NDUFAF1: variants seen among roughly 807,000 people sequenced by gnomAD.
NDUFAF1 encodes the protein NADH:ubiquinone oxidoreductase complex assembly factor 1.
NDUFAF1 carries 18 observed loss-of-function variants against 28.7 expected under a neutral mutation model. The ratio of observed to expected loss-of-function variants is 0.63; its 90% CI spans 0.43 to 0.93. NDUFAF1 has a LOEUF of 0.93. Among genes scored for constraint, NDUFAF1 ranks in the 40% least tolerant of loss-of-function variants. NDUFAF1 has a pLI of 0.00. For synonymous variants in NDUFAF1, 113 were observed against 139.7 expected, an observed-to-expected ratio of 0.81 and a Z score of 1.35; for missense variants, 404 against 398.3, an observed-to-expected ratio of 1.01 and a Z score of -0.12.
At chr15:41,389,058 C>A (rs760944396) in intron 3 of NDUFAF1, among the ~76,000 whole-genome samples, 1 of 151,912 alleles carries the variant, frequency 6.6e-6, no homozygotes, top group African/African-American at 2.4e-5. Flanking sequence ...TAAGCACGAT[C>A]TTTTAAAACT....
At chr15:41,389,186 G>C (rs562051710) in intron 3 of NDUFAF1, among the ~76,000 whole-genome samples, 1 of 151,294 alleles carries the variant, frequency 6.6e-6, no homozygotes, top group Non-Finnish European at 1.5e-5. Context: ...AGGTTCAAGC[G>C]ATTCTCCCAC....
In NDUFAF1 at chr15:41,397,139, A is replaced by G; in HGVS notation, c.-80T>C. On this transcript the variant is annotated splice_region_variant and 5_prime_UTR_variant, in exon 2 of 5. Transcript: ENST00000260361. ...AAGCTTCAGCAAATAGCCCAATTCT[A>G]CCTATAACAGAAGAGACATTGAAGA... 3 of 1,125,372 alleles carry G rather than the reference A, an allele frequency of 2.7e-6. No homozygotes were observed. Among genetic ancestry groups the G allele is most frequent in the South Asian group, 1.3e-5 (1 of 76,646 alleles). The allele number at this position is 1,125,372 out of a possible 1,614,324, so 69.7% of individuals were successfully genotyped here.
At chr15:41,387,895 C>T (rs1303627524) in intron 4 of NDUFAF1, among the ~76,000 whole-genome samples, 2 of 152,136 alleles carry the variant, frequency 1.3e-5, no homozygotes, top group South Asian at 4.1e-4. Context: ...GGGCAGATCA[C>T]AAGGTCCAGT....
chr15:41,397,122 G>C lies in NDUFAF1; in HGVS notation c.-63C>G, dbSNP rs908752093. The C allele has an allele frequency of 2.2e-6, 3 of 1,373,156 alleles. No homozygotes were observed. The African/African-American group carries it at 4.3e-5, about 20-fold the overall frequency. 85.1% of individuals were successfully genotyped at this position (1,373,156 alleles called of 1,614,324 possible). A position where few individuals can be genotyped will look rare whatever the true frequency, so the allele number is the denominator to read the frequency against. On this transcript the variant is annotated 5_prime_UTR_variant, in exon 2 of 5. Coordinates refer to ENST00000260361, the MANE Select transcript of NDUFAF1 (RefSeq NM_016013.4). The stretch of plus-strand genomic sequence containing the variant: ...TAGCAAGGGCCACCAAGAAGCTTCA[G>C]CAAATAGCCCAATTCTACCTATAAC...
chr15:41,396,670 T>C lies in NDUFAF1; in HGVS notation c.390A>G (p.Lys130=), dbSNP rs1407899352. ...TCACTGTCCACTTATCCAAATCTTC[T>C]TTCCCCCGGAATTGCCAGACAACCT... ...QAKVVWQFRG[K]EDLDKWTVTS... Residue 130 remains lysine, a synonymous_variant, in exon 2 of 5, where the codon AAA becomes AAG. Coordinates refer to ENST00000260361, the MANE Select transcript of NDUFAF1 (RefSeq NM_016013.4). 8.7e-6 allele frequency: 14 copies of C among 1,614,068 alleles called. No individual in the cohort carries two copies. The highest frequency in any genetic ancestry group is 1.2e-5 in the Non-Finnish European group (14 of 1,180,052).
At chr15:41,395,489 C>A (rs1411301051) in intron 2 of NDUFAF1, among the ~76,000 whole-genome samples, 2 of 151,158 alleles carry the variant, frequency 1.3e-5, no homozygotes, top group Middle Eastern at 3.4e-3. Flanking sequence ...CCTGCCTCAG[C>A]CTCCCGAATA....
Position 41,394,912 on chromosome 15 carries a change from T to G in NDUFAF1, c.706A>C (p.Met236Leu). 6.2e-7 allele frequency: 1 copy of G among 1,614,140 alleles called. No individual in the cohort carries two copies. The highest frequency in any genetic ancestry group is 8.5e-7 in the Non-Finnish European group (1 of 1,180,026). Residue 236 changes from methionine to leucine, a missense_variant, in exon 3 of 5, where the codon ATG becomes CTG. Coordinates refer to ENST00000260361, the MANE Select transcript of NDUFAF1 (RefSeq NM_016013.4). The stretch of plus-strand genomic sequence containing the variant: ...CGGGTGAACATGAAGTAACTATACA[T>G]CTGATTCGTCCTCTGGAAGAAATCT... ...DTDFFQRTNQ[M>L]YSYFMFTRGG... is the part of the protein sequence containing the mutation.
At chr15:41,388,756 C>CTT (rs933548216) in intron 3 of NDUFAF1, among the ~76,000 whole-genome samples, 79 of 141,490 alleles carry the variant, frequency 5.6e-4, no homozygotes, top group African/African-American at 1.8e-3. Flanking sequence ...CTAAACACAG[C>CTT]TTTTTTTTTT....
chr15:41,396,941 T>C lies in NDUFAF1; in HGVS notation c.119A>G (p.Gln40Arg). 1 of 1,613,678 alleles carries C rather than the reference T, an allele frequency of 6.2e-7. No individual in the cohort carries two copies. The highest frequency in any genetic ancestry group is 8.5e-7 in the Non-Finnish European group (1 of 1,179,870). The change falls in exon 2 of 5, where the codon CAG becomes CGG. Residue 40 changes from glutamine (Q) to arginine (R), a missense_variant. Transcript: ENST00000260361. ...TTTGCCAGGAGAAGCCACTGGTTTC[T>C]GAAGACTACTGGAATACTCTGCAAA... ...IRFAEYSSSL[Q>R]KPVASPGKAS...
chr15:41,396,761 T>G lies in NDUFAF1; in HGVS notation c.299A>C (p.Glu100Ala). ...CGGTCCTCTCCAATGATCCACAATT[T>G]CATCCTTCAAAAGCCTAAAATGGTA... ...AIYHFRLLKD[E>A]IVDHWRGPEG... Residue 100 changes from glutamate to alanine, a missense_variant, in exon 2 of 5, where the codon GAA becomes GCA. Coordinates refer to ENST00000260361, the MANE Select transcript of NDUFAF1 (RefSeq NM_016013.4). 1 of 1,614,126 alleles carries G rather than the reference T, an allele frequency of 6.2e-7. No homozygotes were observed. The highest frequency in any genetic ancestry group is 8.5e-7 in the Non-Finnish European group (1 of 1,180,034).
intron 1 of NDUFAF1, among the ~76,000 whole-genome samples, chr15:41,398,174 T>C (rs563769854): frequency 3.6e-4 from 52 of 145,994 alleles, no homozygotes; most frequent in African/African-American, 1.3e-3. Context: ...TCCCCGGCCT[T>C]TTTTTTTTCT....
At chr15:41,401,301 C>A (rs1404614379) in intron 1 of NDUFAF1, among the ~76,000 whole-genome samples, 1 of 127,180 alleles carries the variant, frequency 7.9e-6, no homozygotes, top group African/African-American at 3.0e-5. Flanking sequence ...GATGGAGTCT[C>A]GCTCTGTCAC....
chr15:41,400,688 A>ATTTTTTTT (rs58010983), intron 1 of NDUFAF1, among the ~76,000 whole-genome samples: 17 of 97,818 alleles, frequency 1.7e-4, no homozygotes, highest in East Asian at 6.2e-4. Context: ...ATGCCCAGCT[A>ATTTTTTTT]TTTTTTTTTT....
chr15:41,392,709 A>G (rs1347280693), intron 3 of NDUFAF1, among the ~76,000 whole-genome samples: 1 of 152,146 alleles, frequency 6.6e-6, no homozygotes, highest in African/African-American at 2.4e-5. Context: ...CTGTGAGTCA[A>G]TTAAACCTCT....
At chr15:41,397,950 GGGA>G (rs976235962) in intron 1 of NDUFAF1, among the ~76,000 whole-genome samples, 5 of 150,948 alleles carry the variant, frequency 3.3e-5, no homozygotes, top group African/African-American at 4.9e-5. Flanking sequence ...CCTTGAACCT[GGGA>G]GGAGGAGGCT....
chr15:41,394,898 G>T lies in NDUFAF1; in HGVS notation c.720C>A (p.Phe240Leu), dbSNP rs1277863271. 1 of 1,614,078 alleles carries T rather than the reference G, an allele frequency of 6.2e-7. No homozygotes were observed. The highest frequency in any genetic ancestry group is 1.1e-5 in the South Asian group (1 of 91,084). The change falls in exon 3 of 5, where the codon TTC becomes TTA. Residue 240 changes from phenylalanine (F) to leucine (L), a missense_variant. Transcript: ENST00000260361. ...AGTAGGGTCCCCCGCGGGTGAACAT[G>T]AAGTAACTATACATCTGATTCGTCC... Reference protein sequence around the residue: ...FQRTNQMYSYFMFTRGGPYWQ... With the variant: ...FQRTNQMYSYLMFTRGGPYWQ...
Position 41,387,629 on chromosome 15 carries a change from T to A in NDUFAF1, c.835-36A>T, listed in dbSNP as rs532408620. On this transcript the variant is annotated intron_variant, in intron 4 of 4. Coordinates refer to ENST00000260361, the MANE Select transcript of NDUFAF1 (RefSeq NM_016013.4). ...AATACAGAAATTGATTAAAATCTCATACAGTGACGTACTGAGATTATTCCA... is the reference window on the plus strand; with the variant it reads ...AATACAGAAATTGATTAAAATCTCAAACAGTGACGTACTGAGATTATTCCA... The A allele has an allele frequency of 2.0e-6, 3 of 1,512,364 alleles. No homozygotes were observed. The African/African-American group carries it at 4.1e-5, about 21-fold the overall frequency. The allele number at this position is 1,512,364 out of a possible 1,614,324, so 93.7% of individuals were successfully genotyped here.
At position 41,394,854 on chromosome 15, in the gene NDUFAF1, G is replaced by A. The variant is rs756325930; in HGVS notation, c.759+5C>T. On this transcript the variant is annotated splice_donor_5th_base_variant and intron_variant, in intron 3 of 4. Transcript: ENST00000260361. ...TTTATAAACAATGAAGATTTATGCT[G>A]TTACCTTGACCTCCTGCCAGTAGGG... is the stretch of plus-strand genomic sequence containing the variant. 2 of 1,613,684 alleles carry A rather than the reference G, an allele frequency of 1.2e-6. No individual in the cohort carries two copies. The highest frequency in any genetic ancestry group is 1.7e-6 in the Non-Finnish European group (2 of 1,179,792).
intron 1 of NDUFAF1, among the ~76,000 whole-genome samples, chr15:41,398,219 T>C (rs1595409903): frequency 1.3e-5 from 2 of 150,374 alleles, no homozygotes; most frequent in East Asian, 3.9e-4. Context: ...AGGCCAGGTG[T>C]GGTAGCTCAC....
Sources: allele counts gnomAD v4.1 joint callset (sites outside exome capture counted in the v4.1 genomes callset), GRCh38; gene constraint gnomAD v4.1.1; transcripts MANE v1.5; gene names NCBI Gene and HGNC (gene_info 2026-07-23, HGNC 2026-07-21).